The following CNOT1 variants were observed in gnomAD, a reference collection of about 807,000 sequenced individuals.
CNOT1 encodes the protein CCR4-NOT transcription complex subunit 1.
A neutral mutation model predicts 273.8 loss-of-function variants in CNOT1; 15 were observed. The ratio of observed to expected loss-of-function variants is 0.05; its 90% confidence interval spans 0.04 to 0.08. The LOEUF (loss-of-function observed/expected upper bound fraction) is 0.08, where lower values mean the gene tolerates loss of function less well. Ranked by LOEUF, CNOT1 falls within the 10% of genes least tolerant of loss-of-function variation. CNOT1 has a pLI of 1.00. For synonymous variants in CNOT1, 1,022 were observed against 1,005.5 expected (o/e 1.02, Z -0.31); for missense variants, 1,644 against 2,912.2 (o/e 0.56, Z 10.02).
At chr16:58,572,483 A>C (rs1429672085) in intron 16 of CNOT1, among the ~76,000 whole-genome samples, 1 of 151,944 alleles carries the variant, frequency 6.6e-6, no homozygotes, top group East Asian at 1.9e-4. Context: ...AAAAATAAAA[A>C]ATTAGCTGGG....
chr16:58,617,200 T>C (rs1252740791), intron 1 of CNOT1, among the ~76,000 whole-genome samples: 4 of 151,540 alleles, frequency 2.6e-5, no homozygotes, highest in Non-Finnish European at 4.4e-5. Flanking sequence ...AACAAATAAA[T>C]ACATAAACAA....
intron 13 of CNOT1, among the ~76,000 whole-genome samples, chr16:58,576,833 T>G (rs2041471392): frequency 6.6e-6 from 1 of 152,262 alleles, no homozygotes; most frequent in Non-Finnish European, 1.5e-5. Context: ...TTATTTGTCC[T>G]ATTTTAAGTC....
intron 25 of CNOT1, among the ~76,000 whole-genome samples, chr16:58,549,154 C>A (rs973898941): frequency 6.6e-6 from 1 of 151,654 alleles, no homozygotes; most frequent in Non-Finnish European, 1.5e-5. Context: ...CTGGGCATGG[C>A]GGTACAACTA....
chr16:58,531,256 CTTCT>C (rs1009323971), intron 42 of CNOT1, among the ~76,000 whole-genome samples: 5 of 152,190 alleles, frequency 3.3e-5, no homozygotes, highest in African/African-American at 1.2e-4. Context: ...GCTATTTCAC[CTTCT>C]TTGTCAAGTT....
At chr16:58,529,045 A>C (rs1176833933) in intron 43 of CNOT1, among the ~76,000 whole-genome samples, 2 of 152,150 alleles carry the variant, frequency 1.3e-5, no homozygotes, top group African/African-American at 4.8e-5. Flanking sequence ...CAAGTTAGTT[A>C]TTAGAAAAAA....
chr16:58,529,818 G>A (rs2039715561), intron 43 of CNOT1, among the ~76,000 whole-genome samples: 1 of 113,456 alleles, frequency 8.8e-6, no homozygotes, highest in Non-Finnish European at 1.7e-5. Context: ...TCCAGCCTGG[G>A]TTTCAGAGTG....
rs758290526 is a variant in CNOT1 at position 58,622,041 on chromosome 16, G to A, written c.-175+7687C>T. On this transcript the variant is annotated intron_variant, in intron 1 of 48. Transcript: ENST00000317147. ...TGTAAGAAATGTACAGGCTGGGCTC[G>A]GTGGCTCACACCTGTAATCCCAGCA... 8.6e-5 allele frequency among the ~76,000 whole-genome samples: 13 copies of A among 150,386 alleles called. 1 individual carries two copies. Among genetic ancestry groups the A allele is most frequent in the South Asian group, 2.1e-4 (1 of 4,722 alleles).
At position 58,543,917 on chromosome 16, in the gene CNOT1, G is replaced by A; in HGVS notation, c.4138-14C>T. ...AAACAAGGGAATCTGGGGGGTTGGG[G>A]AGGACAAAGTCAACACCTTGTTTAA... On this transcript the variant is annotated splice_polypyrimidine_tract_variant and intron_variant, in intron 30 of 48. Coordinates refer to ENST00000317147, the MANE Select transcript of CNOT1 (RefSeq NM_016284.5). The A allele has an allele frequency of 6.3e-7, 1 of 1,586,616 alleles. No individual in the cohort carries two copies. The highest frequency in any genetic ancestry group is 8.6e-7 in the Non-Finnish European group (1 of 1,164,152).
Position 58,614,028 on chromosome 16 carries a change from C to T in CNOT1, c.-174-14517G>A, listed in dbSNP as rs1219147584. Reference sequence around the variant, plus strand: ...AATGGCGTGAACCCGGGAGGCGGAGCTTGCAGTGAGCCAAGATCGCGCCAC... The same window carrying T: ...AATGGCGTGAACCCGGGAGGCGGAGTTTGCAGTGAGCCAAGATCGCGCCAC... On this transcript the variant is annotated intron_variant, in intron 1 of 48. Transcript: ENST00000317147. Among the ~76,000 whole-genome samples, 2 of 108,888 alleles carry T rather than the reference C, an allele frequency of 1.8e-5. 1 individual carries two copies. Among genetic ancestry groups the T allele is most frequent in the Non-Finnish European group, 4.2e-5 (2 of 48,138 alleles). 71.4% of individuals were successfully genotyped at this position (108,888 alleles called of 152,430 possible).
chr16:58,562,429 A>G (rs910671798), intron 16 of CNOT1, among the ~76,000 whole-genome samples: 18 of 149,376 alleles, frequency 1.2e-4, no homozygotes, highest in African/African-American at 4.2e-4. Flanking sequence ...GCTTGAGCCC[A>G]GGATTTCAAG....
intron 20 of CNOT1, 55 bp downstream of exon 20, chr16:58,555,729 C>T (rs1168634773): frequency 6.2e-7 from 1 of 1,602,862 alleles, no homozygotes; most frequent in African/African-American, 1.3e-5. Flanking sequence ...TTGAAAAGGA[C>T]ATTTATTTAA....
At chr16:58,539,724 T>G (rs774170072) in intron 35 of CNOT1, 44 bp downstream of exon 35, 2 of 1,549,266 alleles carry the variant, frequency 1.3e-6, no homozygotes, top group South Asian at 2.4e-5. Flanking sequence ...CAATAAATGT[T>G]TACACACCTA....
At chr16:58,609,961 G>C (rs1350530624) in intron 1 of CNOT1, among the ~76,000 whole-genome samples, 5 of 151,758 alleles carry the variant, frequency 3.3e-5, no homozygotes, top group Admixed American at 3.3e-4. Context: ...TCAAACATTT[G>C]AGCCCTAACT....
intron 16 of CNOT1, among the ~76,000 whole-genome samples, chr16:58,566,576 A>C (rs978403533): frequency 6.6e-6 from 1 of 152,254 alleles, no homozygotes; most frequent in East Asian, 1.9e-4. Context: ...GAACATTTAG[A>C]GCTTATAGAG....
chr16:58,547,296 C>A lies in CNOT1; in HGVS notation c.3640G>T (p.Asp1214Tyr). The change falls in exon 27 of 49, where the codon GAC becomes TAC. Residue 1214 changes from aspartate to tyrosine, a missense_variant and splice_region_variant. Coordinates refer to ENST00000317147, the MANE Select transcript of CNOT1 (RefSeq NM_016284.5). The surrounding 1 kb of genome is among the most constrained non-coding windows in gnomAD (Gnocchi z 4.0). Reference sequence around the variant, plus strand: ...AGCAGCAATGATTTCACATCCAAGTCCTAGAATAAGAAAAATACTTTCAAA... The same window carrying A: ...AGCAGCAATGATTTCACATCCAAGTACTAGAATAAGAAAAATACTTTCAAA... ...LAKNKPILHTDLDVKSLLLEA... is the reference protein window; with the variant it reads ...LAKNKPILHTYLDVKSLLLEA... 1 of 1,613,244 alleles carries A rather than the reference C, an allele frequency of 6.2e-7. No homozygotes were observed. The highest frequency in any genetic ancestry group is 1.1e-5 in the South Asian group (1 of 90,862).
chr16:58,619,112 G>A (rs913510373), intron 1 of CNOT1, among the ~76,000 whole-genome samples: 2 of 151,960 alleles, frequency 1.3e-5, no homozygotes, highest in East Asian at 3.9e-4. Context: ...GAGGTGGGAG[G>A]ATGGCTTGAA....
At chr16:58,560,407 T>C (rs540801318) in intron 16 of CNOT1, 45 bp from the exon 17 acceptor site, 4 of 1,587,964 alleles carry the variant, frequency 2.5e-6, no homozygotes, top group African/African-American at 1.4e-5. Context: ...TCCTATTCTC[T>C]AGCACATGTA....
intron 1 of CNOT1, among the ~76,000 whole-genome samples, chr16:58,617,207 A>G (rs2043122519): frequency 6.6e-6 from 1 of 151,976 alleles, no homozygotes; most frequent in South Asian, 2.1e-4. Context: ...AAATACATAA[A>G]CAAGCAAGCA....
chr16:58,615,942 C>G (rs1364955029), intron 1 of CNOT1, among the ~76,000 whole-genome samples: 1 of 114,204 alleles, frequency 8.8e-6, no homozygotes, highest in African/African-American at 3.0e-5. Context: ...TTTTAATTAG[C>G]AAGGTGCAGT....
Sources: gnomAD v4.1 joint callset for allele counts (sites outside exome capture counted in the v4.1 genomes callset) on GRCh38, gnomAD v4.1.1 for gene constraint, Gnocchi (gnomAD v3.1) non-coding constraint, MANE v1.5 for transcripts, NCBI Gene and HGNC (gene_info 2026-07-23, HGNC 2026-07-21) for gene names.